The following RERE variants were observed in gnomAD, a reference collection of about 807,000 sequenced individuals.
The protein encoded by RERE is arginine-glutamic acid dipeptide repeats protein.
A neutral mutation model predicts 146.1 loss-of-function variants in RERE; 40 were observed. The observed-to-expected ratio is 0.27, with a 90% CI of 0.21 to 0.36. The LOEUF (loss-of-function observed/expected upper bound fraction) is 0.36, where lower values mean the gene tolerates loss of function less well. RERE is among the 10% of genes least tolerant of loss of function. The pLI, the probability that RERE is intolerant of heterozygous loss-of-function variation, is 1.00. For synonymous variants in RERE, 1,003 were observed against 866.0 expected (o/e 1.16, Z -2.78); for missense variants, 1,933 against 2,138.7 (o/e 0.90, Z 1.90).
chr1:8,784,648 A>T (rs1274374544), intron 1 of RERE, among the ~76,000 whole-genome samples: 4 of 152,174 alleles, frequency 2.6e-5, no homozygotes, highest in Admixed American at 6.6e-5. Flanking sequence ...CTACCCAAAA[A>T]AGGTTTCCAA....
chr1:8,685,515 A>G (rs186391943), intron 1 of RERE, among the ~76,000 whole-genome samples: 5 of 152,212 alleles, frequency 3.3e-5, no homozygotes, highest in Admixed American at 6.5e-5. Context: ...AGGTCAGGAG[A>G]TCTAGACCAT....
intron 8 of RERE, among the ~76,000 whole-genome samples, chr1:8,501,220 C>T (rs1450918578): frequency 3.0e-5 from 4 of 133,692 alleles, no homozygotes; most frequent in Admixed American, 2.2e-4. Flanking sequence ...GGGGTCAGCC[C>T]CCCGCCCGGC....
At position 8,610,326 on chromosome 1, in the gene RERE, C is replaced by T. The variant is rs369596809; in HGVS notation, c.522+4235G>A. ...AGAATTTGGGCCGGGCACAGTGGCTCACGCCTGTAATCCCAGCACTTTGGG... is the reference window on the plus strand; with the variant it reads ...AGAATTTGGGCCGGGCACAGTGGCTTACGCCTGTAATCCCAGCACTTTGGG... On this transcript the variant is annotated intron_variant, in intron 4 of 22. Coordinates refer to ENST00000400908, the MANE Select transcript of RERE (RefSeq NM_001042681.2). Among the ~76,000 whole-genome samples, 11 of 152,098 alleles carry T rather than the reference C, an allele frequency of 7.2e-5. No homozygotes were observed. In the East Asian group the frequency reaches 1.2e-3, roughly 16 times the overall value.
chr1:8,553,392 G>C (rs1222788739), intron 6 of RERE, among the ~76,000 whole-genome samples: 2 of 148,576 alleles, frequency 1.3e-5, no homozygotes, highest in Non-Finnish European at 3.0e-5. Flanking sequence ...AGGCCAGCGC[G>C]TCCACATGCA....
At chr1:8,631,745 T>C (rs1647037768) in intron 2 of RERE, among the ~76,000 whole-genome samples, 1 of 152,208 alleles carries the variant, frequency 6.6e-6, no homozygotes, top group African/African-American at 2.4e-5. Context: ...AACATCCAAG[T>C]TCCAGTTAAC....
At chr1:8,628,927 C>G (rs1647004293) in intron 2 of RERE, among the ~76,000 whole-genome samples, 1 of 152,144 alleles carries the variant, frequency 6.6e-6, no homozygotes, top group African/African-American at 2.4e-5. Flanking sequence ...GGCCCCCAAG[C>G]ACTGCATATA....
chr1:8,401,244 C>G (rs1453090150), intron 12 of RERE, among the ~76,000 whole-genome samples: 1 of 148,106 alleles, frequency 6.8e-6, no homozygotes, highest in African/African-American at 2.5e-5. Flanking sequence ...ACGTAGCAAA[C>G]TGCATTTTCA....
At chr1:8,555,952 G>T (rs1646002187) in intron 6 of RERE, among the ~76,000 whole-genome samples, 1 of 152,158 alleles carries the variant, frequency 6.6e-6, no homozygotes, top group Admixed American at 6.5e-5. Flanking sequence ...TGGAAGAATA[G>T]TTCAATGAAA....
intron 1 of RERE, among the ~76,000 whole-genome samples, chr1:8,722,428 A>G (rs1459970094): frequency 6.6e-6 from 1 of 152,234 alleles, no homozygotes; most frequent in African/African-American, 2.4e-5. Context: ...TATTATACAT[A>G]TATGACAATA....
At chr1:8,782,828 C>A (rs917460545) in intron 1 of RERE, among the ~76,000 whole-genome samples, 1 of 152,148 alleles carries the variant, frequency 6.6e-6, no homozygotes, top group East Asian at 1.9e-4. Flanking sequence ...ATCACTTGAA[C>A]CCGGGAGGTG....
chr1:8,808,690 ATAGT>A (rs59994726), intron 1 of RERE, among the ~76,000 whole-genome samples: 5,541 of 152,244 alleles, frequency 0.036, 306 homozygotes, highest in African/African-American at 0.13. Context: ...CAATAGCATA[ATAGT>A]TAGTTAACGG....
chr1:8,624,436 C>T lies in RERE; in HGVS notation c.326-56G>A, dbSNP rs1357920580. Reference sequence around the variant, plus strand: ...GGCATTTACCTTTAAGGAACAAAGACAGGGCCCATAAAGCCACTGCATAAA... The same window carrying T: ...GGCATTTACCTTTAAGGAACAAAGATAGGGCCCATAAAGCCACTGCATAAA... On this transcript the variant is annotated intron_variant, in intron 2 of 22. Transcript: ENST00000400908. 3.5e-6 allele frequency: 4 copies of T among 1,138,282 alleles called. No homozygotes were observed. In the East Asian group the frequency reaches 9.4e-5, roughly 27 times the overall value. The allele number at this position is 1,138,282 out of a possible 1,614,324, so 70.5% of individuals were successfully genotyped here.
intron 4 of RERE, among the ~76,000 whole-genome samples, chr1:8,563,093 T>C (rs758573647): frequency 2.8e-4 from 43 of 152,290 alleles, no homozygotes; most frequent in Non-Finnish European, 4.7e-4. Flanking sequence ...AGGGCAACTG[T>C]GTTGTCATCA....
At chr1:8,619,697 T>G (rs1301155129) in intron 3 of RERE, among the ~76,000 whole-genome samples, 1 of 152,278 alleles carries the variant, frequency 6.6e-6, no homozygotes, top group African/African-American at 2.4e-5. Flanking sequence ...GTTAGCATTC[T>G]CGGACTCCAT....
In RERE at chr1:8,358,643, T is replaced by C. The variant is rs1370870852; in HGVS notation, c.3892A>G (p.Thr1298Ala). 5 of 1,584,600 alleles carry C rather than the reference T, an allele frequency of 3.2e-6. No individual in the cohort carries two copies. The highest frequency in any genetic ancestry group is 4.3e-6 in the Non-Finnish European group (5 of 1,165,966). The part of the protein sequence containing the change: ...HMPGLYNVDP[T>A]IRERELRERE... Reference sequence around the variant, plus strand: ...TCCCGGAGCTCCCGCTCGCGGATGGTGGGGTCGACGTTGTAGAGGCCAGGC... The same window carrying C: ...TCCCGGAGCTCCCGCTCGCGGATGGCGGGGTCGACGTTGTAGAGGCCAGGC... The change falls in exon 20 of 23, where the codon ACC becomes GCC. Residue 1298 changes from threonine (T) to alanine (A), a missense_variant. Around this residue, in one of 11 missense-constraint regions of RERE, gnomAD observed 1,255 missense variants for 1,153.8 expected, o/e 1.09. Transcript: ENST00000400908.
chr1:8,360,874 G>T lies in RERE; in HGVS notation c.2633C>A (p.Ala878Asp). The T allele has an allele frequency of 2.0e-6, 3 of 1,524,270 alleles. No homozygotes were observed. Among genetic ancestry groups the T allele is most frequent in the East Asian group, 4.9e-5 (2 of 40,942 alleles). The allele number at this position is 1,524,270 out of a possible 1,614,324, so 94.4% of individuals were successfully genotyped here. A position where few individuals can be genotyped will look rare whatever the true frequency, so the allele number is the denominator to read the frequency against. Residue 878 changes from alanine (A) to aspartate (D), a missense_variant, in exon 18 of 23, where the codon GCC becomes GAC. Around this residue, in one of 11 missense-constraint regions of RERE, gnomAD observed 1,255 missense variants for 1,153.8 expected, o/e 1.09. Transcript: ENST00000400908. The part of the protein sequence containing the change: ...PPQPFGLPPQ[A>D]SQGQAPLGTS... ...CCCCAGAGGGGCCTGGCCTTGGGAG[G>T]CCTGGGGAGGGAGGCCAAAGGGCTG...
chr1:8,700,251 G>C (rs1255306570), intron 1 of RERE, among the ~76,000 whole-genome samples: 1 of 152,098 alleles, frequency 6.6e-6, no homozygotes, highest in Non-Finnish European at 1.5e-5. Flanking sequence ...GCTGCAGTGA[G>C]CCGAGACCAT....
In RERE at chr1:8,768,669, A is replaced by G. The variant is rs146762154; in HGVS notation, c.-145+48491T>C. Among the ~76,000 whole-genome samples the G allele has an allele frequency of 5.8e-3, 885 of 152,370 alleles. 11 individuals carry two copies. Among genetic ancestry groups the G allele is most frequent in the African/African-American group, 0.02 (842 of 41,580 alleles). ...TCTGTTAAAGAAAATGAAGAAATTT[A>G]CAGGCCAGTTAGGTGTCCAAGAGTC... is the stretch of plus-strand genomic sequence containing the variant. On this transcript the variant is annotated intron_variant, in intron 1 of 22. Coordinates refer to ENST00000400908, the MANE Select transcript of RERE (RefSeq NM_001042681.2).
intron 4 of RERE, among the ~76,000 whole-genome samples, chr1:8,564,046 C>T (rs557707136): frequency 2.0e-5 from 3 of 152,302 alleles, no homozygotes; most frequent in Admixed American, 2.0e-4. Context: ...ATTAACTCTG[C>T]CAGTTGAGCC....
Sources: gnomAD v4.1 joint callset for allele counts (sites outside exome capture counted in the v4.1 genomes callset) on GRCh38, gnomAD v4.1.1 for gene constraint, gnomAD v4.1.1 regional missense constraint, MANE v1.5 for transcripts, NCBI Gene and HGNC (gene_info 2026-07-23, HGNC 2026-07-21) for gene names.